The following MGAT4A variants were observed in gnomAD, a reference collection of about 807,000 sequenced individuals.
MGAT4A encodes alpha-1,3-mannosyl-glycoprotein 4-beta-N-acetylglucosaminyltransferase A.
A neutral mutation model predicts 74.1 loss-of-function variants in MGAT4A; 33 were observed. That is an observed-to-expected ratio of 0.45 (90% CI 0.34 to 0.60). The LOEUF (loss-of-function observed/expected upper bound fraction) is 0.60, where lower values mean the gene tolerates loss of function less well. Ranked by LOEUF, MGAT4A falls within the 20% of genes least tolerant of loss-of-function variation. The pLI, the probability that MGAT4A is intolerant of heterozygous loss-of-function variation, is 0.02. For synonymous variants in MGAT4A, 198 were observed against 210.4 expected (o/e 0.94, Z 0.51); for missense variants, 479 against 628.3 (o/e 0.76, Z 2.54).
intron 10 of MGAT4A, among the ~76,000 whole-genome samples, chr2:98,640,632 C>A (rs1701393178): frequency 2.6e-5 from 4 of 152,002 alleles, no homozygotes. Flanking sequence ...AAAACAACAA[C>A]AACAAAATTG....
chr2:98,713,210 G>GTT (rs35290019), intron 2 of MGAT4A, among the ~76,000 whole-genome samples: 2 of 100,246 alleles, frequency 2.0e-5, no homozygotes, highest in African/African-American at 7.8e-5. Context: ...AAAAAAAAAA[G>GTT]CCGTTTATCT....
chr2:98,686,305 T>C (rs769133026), intron 2 of MGAT4A, among the ~76,000 whole-genome samples: 2 of 152,200 alleles, frequency 1.3e-5, no homozygotes, highest in African/African-American at 4.8e-5. Context: ...ATGTTTTCAG[T>C]ATACTTACAA....
chr2:98,700,631 G>A (rs888951273), intron 2 of MGAT4A, among the ~76,000 whole-genome samples: 15 of 151,986 alleles, frequency 9.9e-5, no homozygotes, highest in African/African-American at 2.2e-4. Flanking sequence ...TGGCTCATGC[G>A]TGTAATCCCA....
chr2:98,655,629 T>A, intron 7 of MGAT4A, 109 bp from the exon 8 acceptor site: 3 of 693,066 alleles, frequency 4.3e-6, no homozygotes, highest in Non-Finnish European at 7.4e-6. Flanking sequence ...TCTATGTATA[T>A]GTGTACACAC....
intron 2 of MGAT4A, among the ~76,000 whole-genome samples, chr2:98,705,873 C>T (rs1702419936): frequency 1.4e-5 from 2 of 143,348 alleles, no homozygotes; most frequent in African/African-American, 5.2e-5. Context: ...ACCCGGGAAG[C>T]GGAGCTTGCA....
chr2:98,653,879 G>A (rs1701618416), intron 8 of MGAT4A, among the ~76,000 whole-genome samples: 1 of 152,060 alleles, frequency 6.6e-6, no homozygotes, highest in Non-Finnish European at 1.5e-5. Context: ...GAAAACTACA[G>A]ACCAATATCC....
Position 98,645,441 on chromosome 2 carries a change from C to A in MGAT4A, c.876G>T (p.Gln292His). ...CACTTTTCTTACCAATGAAGCCCAG[C>A]TGGGAAAACTCTAGAATCATCCATT... ...SEEWMILEFS[Q>H]LGFIGKMFQA... Residue 292 changes from glutamine to histidine, a missense_variant, in exon 9 of 16, where the codon CAG becomes CAT. Gln to His is a conservative substitution (Grantham distance 24). Coordinates refer to ENST00000393487, the MANE Select transcript of MGAT4A (RefSeq NM_012214.3). 6.4e-7 allele frequency: 1 copy of A among 1,567,542 alleles called. No homozygotes were observed. The highest frequency in any genetic ancestry group is 2.3e-5 in the East Asian group (1 of 42,828).
intron 8 of MGAT4A, among the ~76,000 whole-genome samples, chr2:98,651,778 G>A (rs1240659254): frequency 6.6e-6 from 1 of 151,986 alleles, no homozygotes; most frequent in African/African-American, 2.4e-5. Flanking sequence ...TAGGCCAAAT[G>A]GAAATTTTTA....
Sources: allele counts gnomAD v4.1 joint callset (sites outside exome capture counted in the v4.1 genomes callset), GRCh38; gene constraint gnomAD v4.1.1; transcripts MANE v1.5; gene names NCBI Gene and HGNC (gene_info 2026-07-23, HGNC 2026-07-21).